The following ABCB1 variants were observed in gnomAD, a reference collection of about 807,000 sequenced individuals.
ABCB1 encodes ATP-dependent translocase ABCB1.
In ABCB1, 69 loss-of-function variants were observed where a neutral mutation model predicts 142.0. The ratio of observed to expected loss-of-function variants is 0.49; its 90% CI spans 0.40 to 0.59. The LOEUF (loss-of-function observed/expected upper bound fraction) is 0.59, where lower values mean the gene tolerates loss of function less well. Among genes scored for constraint, ABCB1 ranks in the 20% least tolerant of loss-of-function variants. The pLI, the probability that ABCB1 is intolerant of heterozygous loss-of-function variation, is 0.00. For synonymous variants in ABCB1, 532 were observed against 539.2 expected, an observed-to-expected ratio of 0.99 and a Z score of 0.18; for missense variants, 1,326 against 1,554.7, an observed-to-expected ratio of 0.85 and a Z score of 2.47.
intron 1 of ABCB1, among the ~76,000 whole-genome samples, chr7:87,652,022 A>C (rs1236408274): frequency 1.3e-5 from 2 of 152,130 alleles, no homozygotes. Context: ...AAGAAAATAA[A>C]ATTTTTATAA....
intron 2 of ABCB1, among the ~76,000 whole-genome samples, chr7:87,596,586 A>G (rs1327375283): frequency 1.3e-5 from 2 of 152,076 alleles, no homozygotes; most frequent in Non-Finnish European, 2.9e-5. Context: ...ACCAACCGTA[A>G]CAAATCTGCC....
rs1374940464 is a variant in ABCB1, at chr7:87,549,445, C to T, written c.1628G>A (p.Arg543His). The change falls in exon 14 of 28, where the codon CGT becomes CAT. Residue 543 changes from arginine to histidine, a missense_variant. Transcript: ENST00000622132. ...GGQKQRIAIARALVRNPKILL... is the reference protein window; with the variant it reads ...GGQKQRIAIAHALVRNPKILL... Reference sequence around the variant, plus strand: ...GATCTTGGGGTTGCGAACCAGGGCACGTGCAATGGCGATCCTCTGCTTCTG... The same window carrying T: ...GATCTTGGGGTTGCGAACCAGGGCATGTGCAATGGCGATCCTCTGCTTCTG... 5 of 1,614,192 alleles carry T rather than the reference C, an allele frequency of 3.1e-6. No individual in the cohort carries two copies. The highest frequency in any genetic ancestry group is 2.2e-5 in the East Asian group (1 of 44,882).
chr7:87,705,923 C>T (rs1278986728), intron 1 of ABCB1, among the ~76,000 whole-genome samples: 6 of 152,096 alleles, frequency 3.9e-5, no homozygotes, highest in Non-Finnish European at 7.4e-5. Flanking sequence ...CTCCTTCTTG[C>T]TTTTTCATTT....
chr7:87,550,822 A>C lies in ABCB1; in HGVS notation c.1016T>G (p.Leu339Ter). Reference sequence around the variant, plus strand: ...CTGTCCAACACTAAAAGCCCCAATTAATACAGAAAAGAATACCTGAGGAAT... The same window carrying C: ...CTGTCCAACACTAAAAGCCCCAATTCATACAGAAAAGAATACCTGAGGAAT... Reference protein sequence around the residue: ...GQVLTVFFSVLIGAFSVGQAS... With the variant: ...GQVLTVFFSV The change falls in exon 10 of 28, where the codon TTA (leucine) becomes TGA (stop). Residue 339 changes from leucine to a stop codon, truncating the protein, a stop_gained. Coordinates refer to ENST00000622132, the MANE Select transcript of ABCB1 (RefSeq NM_001348946.2). LOFTEE classifies it high-confidence loss of function. 2 of 1,611,334 alleles carry C rather than the reference A, an allele frequency of 1.2e-6. No homozygotes were observed. The highest frequency in any genetic ancestry group is 1.7e-6 in the Non-Finnish European group (2 of 1,177,500).
chr7:87,572,196 T>C (rs1296792509), intron 4 of ABCB1, among the ~76,000 whole-genome samples: 2 of 152,214 alleles, frequency 1.3e-5, no homozygotes, highest in African/African-American at 2.4e-5. Flanking sequence ...GAAATGTCTC[T>C]ATATAGTATT....
At chr7:87,545,392 G>A (rs1302681506) in intron 15 of ABCB1, among the ~76,000 whole-genome samples, 1 of 152,136 alleles carries the variant, frequency 6.6e-6, no homozygotes, top group Non-Finnish European at 1.5e-5. Context: ...GTTAACAAAT[G>A]TAAAAAGAAA....
At chr7:87,627,626 A>C (rs916542301) in intron 1 of ABCB1, 1 of 152,120 alleles carries the variant, frequency 6.6e-6, no homozygotes, top group Non-Finnish European at 1.5e-5. Flanking sequence ...GGGTAGTGAG[A>C]AGCTCTAGGA....
rs1366437650 is a variant in ABCB1, at chr7:87,566,968, T to C, written c.347A>G (p.Tyr116Cys). The C allele has an allele frequency of 3.7e-6, 6 of 1,614,084 alleles. No individual in the cohort carries two copies. The South Asian group carries it at 4.4e-5, about 12-fold the overall frequency. ...CCCAGCACCAATTCCACTGTAATAA[T>C]AGGCATACCTGAAAAACAACAAGAA... ...NLEEDMTRYA[Y>C]YYSGIGAGVL... The change falls in exon 6 of 28, where the codon TAT (tyrosine) becomes TGT (cysteine). Residue 116 changes from tyrosine to cysteine, a missense_variant. Tyr to Cys is a radical substitution (Grantham distance 194). Coordinates refer to ENST00000622132, the MANE Select transcript of ABCB1 (RefSeq NM_001348946.2).
intron 20 of ABCB1, among the ~76,000 whole-genome samples, chr7:87,533,632 A>G (rs751993420): frequency 2.6e-5 from 4 of 152,172 alleles, no homozygotes; most frequent in Admixed American, 6.6e-5. Flanking sequence ...ACAGAGTAGG[A>G]GTCTATAGAA....
At chr7:87,691,052 G>A (rs1172344919) in intron 1 of ABCB1, among the ~76,000 whole-genome samples, 2 of 151,900 alleles carry the variant, frequency 1.3e-5, no homozygotes, top group Non-Finnish European at 2.9e-5. Flanking sequence ...TCAAAGAAAT[G>A]GAAATGAATA....
intron 1 of ABCB1, among the ~76,000 whole-genome samples, chr7:87,651,224 T>G (rs1823537734): frequency 6.6e-6 from 1 of 152,140 alleles, no homozygotes; most frequent in Admixed American, 6.6e-5. Context: ...ATCCCAAAGG[T>G]TACTAGATGG....
intron 1 of ABCB1, among the ~76,000 whole-genome samples, chr7:87,678,496 T>A (rs757192693): frequency 3.3e-5 from 5 of 152,004 alleles, no homozygotes; most frequent in Non-Finnish European, 5.9e-5. Flanking sequence ...ATAAATAAAT[T>A]AAAATGGAAC....
intron 25 of ABCB1, among the ~76,000 whole-genome samples, chr7:87,509,735 C>G (rs906128505): frequency 1.3e-5 from 2 of 152,158 alleles, no homozygotes; most frequent in African/African-American, 2.4e-5. Context: ...TGTTCCCTCT[C>G]CCACAAGACA....
intron 1 of ABCB1, among the ~76,000 whole-genome samples, chr7:87,634,419 C>T (rs1263032222): frequency 6.9e-6 from 1 of 145,506 alleles, no homozygotes; most frequent in African/African-American, 2.6e-5. Context: ...GTCAAGAGTT[C>T]GAGACCAGCC....
intron 7 of ABCB1, chr7:87,563,336 C>G: frequency 2.2e-6 from 1 of 454,286 alleles, no homozygotes; most frequent in South Asian, 1.6e-5. Context: ...ATCCTGATAC[C>G]AAAACCTGGC....
chr7:87,625,755 C>A (rs1225128604), intron 1 of ABCB1, among the ~76,000 whole-genome samples: 1 of 152,014 alleles, frequency 6.6e-6, no homozygotes, highest in Non-Finnish European at 1.5e-5. Flanking sequence ...TATAAGCCTC[C>A]GTGTCACAGG....
At chr7:87,565,249 T>C (rs955717185) in intron 7 of ABCB1, among the ~76,000 whole-genome samples, 1 of 152,234 alleles carries the variant, frequency 6.6e-6, no homozygotes, top group African/African-American at 2.4e-5. Context: ...TGGTTGTCCA[T>C]TCATTACTTT....
intron 1 of ABCB1, chr7:87,693,890 G>T: frequency 6.2e-7 from 1 of 1,601,714 alleles, no homozygotes. Flanking sequence ...TGTTGTTGTT[G>T]TTATTTTTTT....
intron 3 of ABCB1, among the ~76,000 whole-genome samples, chr7:87,595,072 T>G (rs1819140939): frequency 6.6e-6 from 1 of 152,036 alleles, no homozygotes; most frequent in African/African-American, 2.4e-5. Flanking sequence ...GAGGTTGCAG[T>G]GAGCCAAGAT....
Sources: allele counts gnomAD v4.1 joint callset (sites outside exome capture counted in the v4.1 genomes callset), GRCh38; gene constraint gnomAD v4.1.1; transcripts MANE v1.5; gene names NCBI Gene and HGNC (gene_info 2026-07-23, HGNC 2026-07-21).